Variants in ARHGAP19 observed in about 807,000 individuals in gnomAD.
ARHGAP19 encodes the protein Rho GTPase activating protein 19.
Under a neutral mutation model 60.9 loss-of-function variants are expected in ARHGAP19, and 48 were observed. That is an observed-to-expected ratio of 0.79 (90% CI 0.62 to 1.00). The LOEUF (loss-of-function observed/expected upper bound fraction) is 1.00. ARHGAP19 is among the 50% of genes least tolerant of loss of function. The pLI is 0.00. For missense variants in ARHGAP19, 562 were observed against 597.2 expected, an observed-to-expected ratio of 0.94 and a Z score of 0.61; for synonymous variants, 209 against 215.5, an observed-to-expected ratio of 0.97 and a Z score of 0.27.
intron 1 of ARHGAP19, among the ~76,000 whole-genome samples, chr10:97,269,099 C>T (rs1842932563): frequency 6.6e-6 from 1 of 152,100 alleles, no homozygotes; most frequent in Non-Finnish European, 1.5e-5. Context: ...TAAAAGTGGT[C>T]CATTATACCC....
intron 1 of ARHGAP19, among the ~76,000 whole-genome samples, chr10:97,286,762 A>C (rs1843161437): frequency 6.6e-6 from 1 of 152,218 alleles, no homozygotes; most frequent in Non-Finnish European, 1.5e-5. Flanking sequence ...TCATGTAATA[A>C]TAGTTAGCAC....
Position 97,260,037 on chromosome 10 carries a change from G to A in ARHGAP19, c.614-409C>T, listed in dbSNP as rs1238112251. 3.4e-5 allele frequency among the ~76,000 whole-genome samples: 5 copies of A among 148,522 alleles called. No individual in the cohort carries two copies. The East Asian group carries it at 8.2e-4, about 24-fold the overall frequency. ...TTTTTAGTAGAGGCGGGGTTTCACC[G>A]TGTTAGTCAGGATGGTCTCGATCTC... On this transcript the variant is annotated intron_variant, in intron 4 of 11. Coordinates refer to ENST00000358531, the MANE Select transcript of ARHGAP19 (RefSeq NM_032900.6).
At chr10:97,228,979 G>GT (rs1850951216) in intron 11 of ARHGAP19, 168 bp downstream of exon 11, 2 of 720,268 alleles carry the variant, frequency 2.8e-6, no homozygotes, top group Non-Finnish European at 5.0e-6. Flanking sequence ...TGAGTAAATG[G>GT]TTCAATAACC....
intron 8 of ARHGAP19, among the ~76,000 whole-genome samples, chr10:97,238,109 G>A (rs1842411093): frequency 6.6e-6 from 1 of 152,132 alleles, no homozygotes. Context: ...TGCCTCTGAA[G>A]ACCTTCTAGT....
chr10:97,259,262 G>T, intron 5 of ARHGAP19, 140 bp downstream of exon 5: 1 of 680,964 alleles, frequency 1.5e-6, no homozygotes, highest in South Asian at 1.9e-5. Context: ...ACTCTTCAAT[G>T]AACTAATAAA....
intron 1 of ARHGAP19, among the ~76,000 whole-genome samples, chr10:97,273,482 CTCTT>C (rs1374795246): frequency 5.9e-5 from 6 of 102,462 alleles, no homozygotes; most frequent in African/African-American, 1.9e-4. Flanking sequence ...AATTTCTGCT[CTCTT>C]TTTTTTTTTT....
intron 4 of ARHGAP19, among the ~76,000 whole-genome samples, chr10:97,262,836 T>C (rs1053305029): frequency 6.0e-5 from 9 of 151,000 alleles, no homozygotes; most frequent in East Asian, 2.0e-4. Flanking sequence ...CTAAAACACG[T>C]TGGGCACAGT....
intron 8 of ARHGAP19, among the ~76,000 whole-genome samples, chr10:97,242,091 T>C (rs1842493363): frequency 6.7e-6 from 1 of 149,822 alleles, no homozygotes; most frequent in Admixed American, 6.6e-5. Flanking sequence ...CATGCATGCA[T>C]AAGAAATGCT....
In ARHGAP19 at chr10:97,246,297, A is replaced by G; in HGVS notation, c.968T>C (p.Leu323Ser). The G allele has an allele frequency of 2.5e-6, 4 of 1,613,928 alleles. No homozygotes were observed. In the Admixed American group the frequency reaches 6.7e-5, roughly 27 times the overall value. Residue 323 changes from leucine to serine, a missense_variant, in exon 7 of 12, where the codon TTG (leucine) becomes TCG (serine). Coordinates refer to ENST00000358531, the MANE Select transcript of ARHGAP19 (RefSeq NM_032900.6). ...CTTTGATGCCTGAGTTCTGGATCCCAAATAGTGCAATCTCGCACACTCCCG... is the reference window on the plus strand; with the variant it reads ...CTTTGATGCCTGAGTTCTGGATCCCGAATAGTGCAATCTCGCACACTCCCG... Reference protein sequence around the residue: ...YIRECARLHYLGSRTQASKDD... With the variant: ...YIRECARLHYSGSRTQASKDD...
chr10:97,291,377 A>G (rs1843229647), intron 1 of ARHGAP19, among the ~76,000 whole-genome samples: 1 of 152,178 alleles, frequency 6.6e-6, no homozygotes, highest in Non-Finnish European at 1.5e-5. Context: ...GTGGAATGCA[A>G]TGGCGCATCT....
chr10:97,256,598 T>C (rs939143425), intron 5 of ARHGAP19, 194 bp from the exon 6 acceptor site: 5 of 448,450 alleles, frequency 1.1e-5, no homozygotes, highest in Admixed American at 8.0e-5. Context: ...GTCCCTGAAG[T>C]GACGAGGAAA....
chr10:97,241,312 AAG>A (rs1284631078), intron 8 of ARHGAP19, among the ~76,000 whole-genome samples: 2 of 151,958 alleles, frequency 1.3e-5, no homozygotes, highest in Admixed American at 6.6e-5. Flanking sequence ...TCTTTTACTT[AAG>A]ATCATATTTA....
chr10:97,256,645 A>C (rs898120936), intron 5 of ARHGAP19: 1 of 347,102 alleles, frequency 2.9e-6, no homozygotes, highest in Non-Finnish European at 5.2e-6. Flanking sequence ...ATTCTGCTTG[A>C]AAATTAGACA....
intron 1 of ARHGAP19, among the ~76,000 whole-genome samples, chr10:97,272,623 G>C (rs933302088): frequency 2.0e-5 from 3 of 152,044 alleles, no homozygotes; most frequent in African/African-American, 7.2e-5. Context: ...ATTTTGTTAA[G>C]TTGTAGATTT....
chr10:97,290,403 G>A (rs959992309), intron 1 of ARHGAP19, among the ~76,000 whole-genome samples: 2 of 152,136 alleles, frequency 1.3e-5, no homozygotes, highest in Non-Finnish European at 2.9e-5. Flanking sequence ...GCCTGGGTTC[G>A]TCCTAATCAA....
chr10:97,234,633 T>G (rs192466859), intron 9 of ARHGAP19, among the ~76,000 whole-genome samples: 1 of 152,316 alleles, frequency 6.6e-6, no homozygotes. Flanking sequence ...TCCGATAGTT[T>G]GAAGACTTAT....
chr10:97,228,565 C>G (rs968797897), intron 11 of ARHGAP19, among the ~76,000 whole-genome samples: 22 of 152,166 alleles, frequency 1.4e-4, no homozygotes, highest in African/African-American at 5.1e-4. Flanking sequence ...ACAAATCTCA[C>G]GGTCTTTCCA....
chr10:97,241,274 G>C (rs755458309), intron 8 of ARHGAP19, among the ~76,000 whole-genome samples: 2 of 152,064 alleles, frequency 1.3e-5, no homozygotes, highest in Non-Finnish European at 2.9e-5. Flanking sequence ...GCAGTGAGCT[G>C]AGATTGAGCC....
At chr10:97,263,388 A>G in intron 4 of ARHGAP19, 32 bp downstream of exon 4, 2 of 1,597,084 alleles carry the variant, frequency 1.3e-6, no homozygotes. Context: ...AAAGAAATGT[A>G]TTTACATCTC....
Sources: allele counts gnomAD v4.1 joint callset (sites outside exome capture counted in the v4.1 genomes callset), GRCh38; gene constraint gnomAD v4.1.1; transcripts MANE v1.5; gene names NCBI Gene and HGNC (gene_info 2026-07-23, HGNC 2026-07-21).